The following CARMIL1 variants were observed in gnomAD, a reference collection of about 807,000 sequenced individuals.
CARMIL1 encodes F-actin-uncapping protein LRRC16A.
A neutral mutation model predicts 177.1 loss-of-function variants in CARMIL1; 90 were observed. That is an observed-to-expected ratio of 0.51 (90% CI 0.43 to 0.61). The LOEUF (loss-of-function observed/expected upper bound fraction) is 0.61, where lower values mean the gene tolerates loss of function less well. Ranked by LOEUF, CARMIL1 falls within the 20% of genes least tolerant of loss-of-function variation. The pLI is 0.00. For missense variants in CARMIL1, 1,380 were observed against 1,667.0 expected, an observed-to-expected ratio of 0.83 and a Z score of 3.00; for synonymous variants, 577 against 606.2, an observed-to-expected ratio of 0.95 and a Z score of 0.71.
intron 2 of CARMIL1, among the ~76,000 whole-genome samples, chr6:25,328,809 T>G (rs1210685058): frequency 6.7e-6 from 1 of 149,596 alleles, no homozygotes; most frequent in East Asian, 2.0e-4. Flanking sequence ...GTAGTCATAA[T>G]AATTAAAAAT....
intron 2 of CARMIL1, among the ~76,000 whole-genome samples, chr6:25,290,127 A>G (rs1297064944): frequency 6.6e-6 from 1 of 152,066 alleles, no homozygotes; most frequent in East Asian, 1.9e-4. Flanking sequence ...ACAGGGTCTC[A>G]CTTTATCACC....
At chr6:25,370,728 T>G (rs1357437969) in intron 2 of CARMIL1, among the ~76,000 whole-genome samples, 1 of 152,180 alleles carries the variant, frequency 6.6e-6, no homozygotes, top group Admixed American at 6.5e-5. Flanking sequence ...ACCAGGAGTT[T>G]CATTCACTAA....
At chr6:25,442,742 T>C (rs577989632) in intron 5 of CARMIL1, among the ~76,000 whole-genome samples, 1 of 152,206 alleles carries the variant, frequency 6.6e-6, no homozygotes, top group South Asian at 2.1e-4. Context: ...AAAAGAAAAA[T>C]GAGAACTGTA....
intron 31 of CARMIL1, among the ~76,000 whole-genome samples, chr6:25,589,583 G>C (rs1419204968): frequency 6.6e-6 from 1 of 152,010 alleles, no homozygotes; most frequent in Non-Finnish European, 1.5e-5. Flanking sequence ...CCCCTCCCAG[G>C]CCCAAGTGAT....
At chr6:25,503,728 A>G (rs557676199) in intron 17 of CARMIL1, among the ~76,000 whole-genome samples, 29 of 152,218 alleles carry the variant, frequency 1.9e-4, no homozygotes, top group Non-Finnish European at 3.7e-4. Context: ...TCCGATGATC[A>G]GATAAATCTA....
At chr6:25,335,698 C>G (rs984381359) in intron 2 of CARMIL1, among the ~76,000 whole-genome samples, 3 of 152,208 alleles carry the variant, frequency 2.0e-5, no homozygotes, top group African/African-American at 7.2e-5. Flanking sequence ...TTTCAGAGAA[C>G]GCAGCACCTG....
chr6:25,342,232 AT>A lies in CARMIL1; in HGVS notation c.138+57326del, dbSNP rs370106242. 5.7e-3 allele frequency among the ~76,000 whole-genome samples: 869 copies of A among 152,276 alleles called. 8 individuals are homozygous for A. The highest frequency in any genetic ancestry group is 0.02 in the African/African-American group (816 of 41,554). On this transcript the variant is annotated intron_variant, in intron 2 of 36. Coordinates refer to ENST00000329474, the MANE Select transcript of CARMIL1 (RefSeq NM_017640.6). ...ATCTTTGAAACTAGGCCAGAGATTT[AT>A]TTGGATCTTTGGTTTTCCATTTGTG...
chr6:25,299,753 A>C (rs1468470339), intron 2 of CARMIL1, among the ~76,000 whole-genome samples: 1 of 151,932 alleles, frequency 6.6e-6, no homozygotes, highest in Non-Finnish European at 1.5e-5. Context: ...AGGCGAGCGG[A>C]TCACCTGAGG....
At chr6:25,363,361 G>A (rs957425141) in intron 2 of CARMIL1, among the ~76,000 whole-genome samples, 4 of 151,766 alleles carry the variant, frequency 2.6e-5, no homozygotes, top group African/African-American at 9.7e-5. Context: ...GTTCCATGGA[G>A]AACACTGTGA....
chr6:25,288,400 T>G (rs1781684510), intron 2 of CARMIL1, among the ~76,000 whole-genome samples: 1 of 152,182 alleles, frequency 6.6e-6, no homozygotes, highest in African/African-American at 2.4e-5. Context: ...TAATGAAATA[T>G]TAAGGCTCAG....
At chr6:25,292,401 A>G (rs1289156381) in intron 2 of CARMIL1, among the ~76,000 whole-genome samples, 1 of 152,212 alleles carries the variant, frequency 6.6e-6, no homozygotes, top group Non-Finnish European at 1.5e-5. Flanking sequence ...ATGCTGGCAT[A>G]AATTCTGGGA....
intron 11 of CARMIL1, 84 bp downstream of exon 11, chr6:25,472,605 A>G (rs989596022): frequency 8.9e-7 from 1 of 1,124,964 alleles, no homozygotes; most frequent in Non-Finnish European, 1.3e-6. Context: ...GAAGAGCTGT[A>G]TCAAGCTAAG....
chr6:25,534,495 C>A (rs114004198), intron 24 of CARMIL1, among the ~76,000 whole-genome samples: 1,792 of 151,632 alleles, frequency 0.012, 20 homozygotes, highest in South Asian at 0.032. Flanking sequence ...TCAATCCGTA[C>A]AAATCTTTCA....
At chr6:25,613,004 A>T in intron 36 of CARMIL1, 3 of 625,828 alleles carry the variant, frequency 4.8e-6, no homozygotes, top group Non-Finnish European at 6.0e-6. Flanking sequence ...TAGTCATACA[A>T]GAGAGGTTTT....
rs563508061 is a variant in CARMIL1 at position 25,515,351 on chromosome 6, G to T, written c.1633-324G>T. Among the ~76,000 whole-genome samples the T allele has an allele frequency of 2.5e-5, 3 of 120,492 alleles. No individual in the cohort carries two copies. The highest frequency in any genetic ancestry group is 9.7e-5 in the African/African-American group (3 of 30,822). 79.0% of individuals were successfully genotyped at this position (120,492 alleles called of 152,430 possible). A position where few individuals can be genotyped will look rare whatever the true frequency, so the allele number is the denominator to read the frequency against. On this transcript the variant is annotated intron_variant, in intron 20 of 36. Transcript: ENST00000329474. This position sits in a 1 kb window ranked among gnomAD's most constrained non-coding sequence, Gnocchi z 5.0. ...ATAAAGGGTGATCATATTAAGCTGA[G>T]AAATTTTTGTTATGTTTTTATTTAT...
chr6:25,290,105 T>C (rs78908838), intron 2 of CARMIL1, among the ~76,000 whole-genome samples: 4,121 of 152,232 alleles, frequency 0.027, 68 homozygotes, highest in Non-Finnish European at 0.038. Context: ...CTGGACTTCT[T>C]TTTTTTCTGA....
chr6:25,293,705 C>CCTTCCCTTCCCT, intron 2 of CARMIL1, among the ~76,000 whole-genome samples: 1 of 151,860 alleles, frequency 6.6e-6, no homozygotes. Flanking sequence ...TTCCTTTCCC[C>CCTTCCCTTCCCT]CTTCCCTTCC....
chr6:25,518,906 CT>C (rs1056509455), intron 22 of CARMIL1, among the ~76,000 whole-genome samples: 1 of 152,212 alleles, frequency 6.6e-6, no homozygotes, highest in African/African-American at 2.4e-5. Context: ...GACATATCGT[CT>C]CTTAGTTTCA....
At position 25,504,936 on chromosome 6, in the gene CARMIL1, G is replaced by C. The variant is rs75892415; in HGVS notation, c.1395+4701G>C. Among the ~76,000 whole-genome samples the C allele has an allele frequency of 5.7e-3, 861 of 152,228 alleles. 5 individuals are homozygous for C. The highest frequency in any genetic ancestry group is 0.017 in the African/African-American group (690 of 41,536). Reference sequence around the variant, plus strand: ...TAATAGTTTTCAGGGCCAGCGTCTGGTACAACGTCACTACTCCAGCCCAGC... The same window carrying C: ...TAATAGTTTTCAGGGCCAGCGTCTGCTACAACGTCACTACTCCAGCCCAGC... On this transcript the variant is annotated intron_variant, in intron 17 of 36. Coordinates refer to ENST00000329474, the MANE Select transcript of CARMIL1 (RefSeq NM_017640.6).
Sources: gnomAD v4.1 joint callset for allele counts (sites outside exome capture counted in the v4.1 genomes callset) on GRCh38, gnomAD v4.1.1 for gene constraint, Gnocchi (gnomAD v3.1) non-coding constraint, MANE v1.5 for transcripts, NCBI Gene and HGNC (gene_info 2026-07-23, HGNC 2026-07-21) for gene names.